Variants in CNTN5 observed in about 807,000 individuals in gnomAD.
CNTN5 encodes the protein contactin-5.
A neutral mutation model predicts 129.1 loss-of-function variants in CNTN5; 77 were observed. The ratio of observed to expected loss-of-function variants is 0.60; its 90% CI spans 0.50 to 0.72. The LOEUF (loss-of-function observed/expected upper bound fraction) is 0.72, where lower values mean the gene tolerates loss of function less well. Among genes scored for constraint, CNTN5 ranks in the 30% least tolerant of loss-of-function variants. The pLI is 0.00. For missense variants in CNTN5, 1,478 were observed against 1,328.8 expected (o/e 1.11, Z -1.75); for synonymous variants, 509 against 465.6 (o/e 1.09, Z -1.20).
chr11:100,043,524 G>A (rs1942485050), intron 9 of CNTN5, among the ~76,000 whole-genome samples: 1 of 152,130 alleles, frequency 6.6e-6, no homozygotes, highest in Admixed American at 6.5e-5. Flanking sequence ...TTTTTGAAGG[G>A]AAAACCTGCA....
At chr11:99,107,720 A>G (rs1157771744) in intron 1 of CNTN5, among the ~76,000 whole-genome samples, 1 of 151,926 alleles carries the variant, frequency 6.6e-6, no homozygotes, top group Non-Finnish European at 1.5e-5. Flanking sequence ...TCATGAGGTC[A>G]GGAGATTGAG....
At chr11:99,094,612 A>G (rs1359437995) in intron 1 of CNTN5, among the ~76,000 whole-genome samples, 1 of 152,020 alleles carries the variant, frequency 6.6e-6, no homozygotes, top group Non-Finnish European at 1.5e-5. Flanking sequence ...TCAGGAAAAA[A>G]GAAAAATTTA....
intron 3 of CNTN5, among the ~76,000 whole-genome samples, chr11:99,723,717 C>A (rs138412927): frequency 2.7e-4 from 41 of 152,112 alleles, no homozygotes; most frequent in African/African-American, 9.9e-4. Flanking sequence ...GCAGTACCTG[C>A]AGCAATGCCT....
chr11:99,841,359 T>C (rs997097237), intron 4 of CNTN5, among the ~76,000 whole-genome samples: 13 of 152,162 alleles, frequency 8.5e-5, no homozygotes, highest in Admixed American at 7.9e-4. Flanking sequence ...CTTGTCCTGT[T>C]TTCACAATTT....
intron 1 of CNTN5, among the ~76,000 whole-genome samples, chr11:99,112,221 AT>A (rs1857831100): frequency 6.6e-6 from 1 of 152,070 alleles, no homozygotes; most frequent in African/African-American, 2.4e-5. Context: ...CAGTTTATAA[AT>A]TAACTTATTT....
chr11:99,653,165 A>C (rs1952223372), intron 3 of CNTN5, among the ~76,000 whole-genome samples: 1 of 151,998 alleles, frequency 6.6e-6, no homozygotes, highest in Non-Finnish European at 1.5e-5. Flanking sequence ...AAGGGAAAAT[A>C]TTTATTTTAC....
At chr11:99,850,890 AT>A (rs1231459251) in intron 6 of CNTN5, among the ~76,000 whole-genome samples, 1 of 152,142 alleles carries the variant, frequency 6.6e-6, no homozygotes, top group African/African-American at 2.4e-5. Context: ...GAGGCTTTTT[AT>A]TGCAACCCCT....
At chr11:99,380,837 C>T (rs1013208045) in intron 2 of CNTN5, among the ~76,000 whole-genome samples, 1 of 149,892 alleles carries the variant, frequency 6.7e-6, no homozygotes, top group Admixed American at 6.6e-5. Context: ...TTTTTGAATA[C>T]CACCTGAGGA....
At chr11:100,099,861 T>A (rs1945160039) in intron 13 of CNTN5, among the ~76,000 whole-genome samples, 1 of 152,046 alleles carries the variant, frequency 6.6e-6, no homozygotes, top group Non-Finnish European at 1.5e-5. Flanking sequence ...TCACCTTACA[T>A]CTCCTTTATT....
intron 10 of CNTN5, 46 bp from the exon 11 acceptor site, chr11:100,070,378 G>A (rs753554436): frequency 5.1e-6 from 8 of 1,561,608 alleles, no homozygotes; most frequent in Admixed American, 1.8e-5. Context: ...TTGGTAAAGC[G>A]TTTGAGAAAT....
At chr11:99,369,941 A>G (rs1939726507) in intron 2 of CNTN5, among the ~76,000 whole-genome samples, 1 of 152,194 alleles carries the variant, frequency 6.6e-6, no homozygotes, top group African/African-American at 2.4e-5. Context: ...AACTTCTGTG[A>G]GGACAGATAA....
At chr11:100,168,553 A>G (rs892274368) in intron 13 of CNTN5, among the ~76,000 whole-genome samples, 1 of 151,970 alleles carries the variant, frequency 6.6e-6, no homozygotes, top group Non-Finnish European at 1.5e-5. Flanking sequence ...TTTTAAGCCC[A>G]CTGTTGAGAA....
intron 15 of CNTN5, among the ~76,000 whole-genome samples, chr11:100,203,537 C>T (rs1948834424): frequency 6.6e-6 from 1 of 151,964 alleles, no homozygotes; most frequent in Non-Finnish European, 1.5e-5. Context: ...ATCCAGTTTT[C>T]AAGTCAGGTA....
At chr11:99,166,026 A>C (rs1392271171) in intron 1 of CNTN5, among the ~76,000 whole-genome samples, 1 of 152,156 alleles carries the variant, frequency 6.6e-6, no homozygotes, top group Non-Finnish European at 1.5e-5. Context: ...TTTCATCTGG[A>C]TATTTACAAT....
chr11:100,007,283 A>G (rs1487055650), intron 9 of CNTN5, among the ~76,000 whole-genome samples: 1 of 152,064 alleles, frequency 6.6e-6, no homozygotes, highest in East Asian at 1.9e-4. Flanking sequence ...CACCAGCTGC[A>G]TTAGCCCCTA....
intron 1 of CNTN5, among the ~76,000 whole-genome samples, chr11:99,257,571 T>A (rs1200521169): frequency 6.6e-6 from 1 of 152,066 alleles, no homozygotes; most frequent in African/African-American, 2.4e-5. Context: ...AAGGTGTAAT[T>A]TTTTATTCAT....
intron 1 of CNTN5, among the ~76,000 whole-genome samples, chr11:99,190,581 T>C (rs1179929088): frequency 6.6e-6 from 1 of 151,636 alleles, no homozygotes; most frequent in East Asian, 1.9e-4. Flanking sequence ...TGTTCACCAA[T>C]GTTTTGTAGT....
chr11:100,244,036 G>A (rs1949793214), intron 16 of CNTN5, among the ~76,000 whole-genome samples: 1 of 151,704 alleles, frequency 6.6e-6, no homozygotes. Context: ...CCTTTATTAA[G>A]CCTAATGTCT....
At chr11:100,094,048 A>T (rs1205276389) in intron 13 of CNTN5, among the ~76,000 whole-genome samples, 1 of 152,126 alleles carries the variant, frequency 6.6e-6, no homozygotes, top group Non-Finnish European at 1.5e-5. Context: ...GCTTTATTTA[A>T]TAATGGTGGT....
Sources: gnomAD v4.1 joint callset for allele counts (sites outside exome capture counted in the v4.1 genomes callset) on GRCh38, gnomAD v4.1.1 for gene constraint, MANE v1.5 for transcripts, NCBI Gene and HGNC (gene_info 2026-07-23, HGNC 2026-07-21) for gene names.